GTF2H5: variants seen among roughly 807,000 people sequenced by gnomAD.
The protein encoded by GTF2H5 is TFB5 ortholog.
Under a neutral mutation model 7.1 loss-of-function variants are expected in GTF2H5, and 5 were observed. The ratio of observed to expected loss-of-function variants is 0.71; its 90% CI spans 0.37 to 1.49. GTF2H5 has a LOEUF of 1.49. Ranked by LOEUF, GTF2H5 falls within the 40% of genes most tolerant of loss-of-function variation. The probability of loss-of-function intolerance (pLI) is 0.03; values close to 1 mark genes in which losing one functional copy is unlikely to be tolerated. For missense variants in GTF2H5, 80 were observed against 83.0 expected, an observed-to-expected ratio of 0.96 and a Z score of 0.14; for synonymous variants, 30 against 31.7, an observed-to-expected ratio of 0.95 and a Z score of 0.18.
chr6:158,197,071 C>A lies in GTF2H5; in HGVS notation c.*4914C>A, dbSNP rs924156609. On this transcript the variant is annotated 3_prime_UTR_variant, in exon 3 of 3. Coordinates refer to ENST00000607778, the MANE Select transcript of GTF2H5 (RefSeq NM_207118.3). ...AATGTCAAACAAGTGAGATCAAGAT[C>A]CTGAAGCATTTCTTCAAAGAATTGT... The A allele has an allele frequency of 2.0e-5, 3 of 152,274 alleles. No homozygotes were observed. Among genetic ancestry groups the A allele is most frequent in the African/African-American group, 7.2e-5 (3 of 41,442 alleles). 9.4% of individuals were successfully genotyped at this position (152,274 alleles called of 1,614,324 possible).
chr6:158,194,788 A>G lies in GTF2H5; in HGVS notation c.*2631A>G, dbSNP rs1174500988. 6.6e-6 allele frequency: 1 copy of G among 152,236 alleles called. No individual in the cohort carries two copies. The highest frequency in any genetic ancestry group is 1.5e-5 in the Non-Finnish European group (1 of 68,036). 9.4% of individuals were successfully genotyped at this position (152,236 alleles called of 1,614,324 possible). A position where few individuals can be genotyped will look rare whatever the true frequency, so the allele number is the denominator to read the frequency against. ...GGAAACAAGGCTAGGTGATTAAGGG[A>G]GAAAGGGACAGTCTGAAAACAAGGT... On this transcript the variant is annotated 3_prime_UTR_variant, in exon 3 of 3. Transcript: ENST00000607778.
At chr6:158,169,590 A>ACAG (rs1562468719) in intron 1 of GTF2H5, among the ~76,000 whole-genome samples, 2 of 87,984 alleles carry the variant, frequency 2.3e-5, no homozygotes, top group African/African-American at 9.8e-5. Context: ...TATATAATAT[A>ACAG]TTGTATATTA....
At chr6:158,187,072 A>G (rs1015013586) in intron 2 of GTF2H5, among the ~76,000 whole-genome samples, 1 of 149,142 alleles carries the variant, frequency 6.7e-6, no homozygotes, top group South Asian at 2.1e-4. Flanking sequence ...TCGGCCCACT[A>G]CACCCCTCAC....
chr6:158,169,429 A>G (rs867123116), intron 1 of GTF2H5, among the ~76,000 whole-genome samples: 57 of 62,086 alleles, frequency 9.2e-4, no homozygotes, highest in African/African-American at 4.1e-3. Context: ...TATATAATAT[A>G]TTGTATATTA....
At chr6:158,191,085 C>T in intron 2 of GTF2H5, 1 of 345,144 alleles carries the variant, frequency 2.9e-6, no homozygotes, top group Non-Finnish European at 5.6e-6. Flanking sequence ...CCTTTAATTT[C>T]CGTAAACAAT....
Position 158,193,567 on chromosome 6 carries a change from A to C in GTF2H5, c.*1410A>C, listed in dbSNP as rs916801259. On this transcript the variant is annotated 3_prime_UTR_variant, in exon 3 of 3. Transcript: ENST00000607778. ...AGCATTACTGAATCTGGAAATTTTC[A>C]GTTAGGTATATTTTACATAATTCCC... The C allele has an allele frequency of 3.3e-5, 5 of 152,252 alleles. No individual in the cohort carries two copies. The highest frequency in any genetic ancestry group is 1.2e-4 in the African/African-American group (5 of 41,452). The allele number at this position is 152,252 out of a possible 1,614,324, so 9.4% of individuals were successfully genotyped here. A position where few individuals can be genotyped will look rare whatever the true frequency, so the allele number is the denominator to read the frequency against.
chr6:158,175,010 A>ATGTGTGTGTGTG (rs200557393), intron 2 of GTF2H5, among the ~76,000 whole-genome samples: 85 of 138,296 alleles, frequency 6.1e-4, no homozygotes, highest in Admixed American at 1.8e-3. Context: ...TGTGCCTGAG[A>ATGTGTGTGTGTG]TGTGTGTGTG....
chr6:158,169,199 G>A (rs936070855), intron 1 of GTF2H5, among the ~76,000 whole-genome samples: 9 of 145,074 alleles, frequency 6.2e-5, no homozygotes, highest in Non-Finnish European at 7.5e-5. Flanking sequence ...ACGACACTGC[G>A]CTCCAGCCTG....
intron 2 of GTF2H5, among the ~76,000 whole-genome samples, chr6:158,173,363 A>G (rs147922552): frequency 6.6e-6 from 1 of 152,198 alleles, no homozygotes; most frequent in Non-Finnish European, 1.5e-5. Context: ...AAGAAATAAC[A>G]TAGATTCCCA....
intron 2 of GTF2H5, among the ~76,000 whole-genome samples, chr6:158,171,942 T>G (rs1785862030): frequency 6.6e-6 from 1 of 152,218 alleles, no homozygotes; most frequent in Non-Finnish European, 1.5e-5. Context: ...CTAGGTTTGA[T>G]GTACTTATTT....
At chr6:158,173,325 A>G (rs1290176033) in intron 2 of GTF2H5, among the ~76,000 whole-genome samples, 1 of 152,202 alleles carries the variant, frequency 6.6e-6, no homozygotes, top group Non-Finnish European at 1.5e-5. Context: ...TCCCAAAAAC[A>G]CAAGTCTTCC....
chr6:158,169,393 A>AT (rs1279120969), intron 1 of GTF2H5, among the ~76,000 whole-genome samples: 15 of 92,122 alleles, frequency 1.6e-4, no homozygotes, highest in African/African-American at 6.4e-4. Flanking sequence ...TATTATATAT[A>AT]ATATTATATT....
intron 2 of GTF2H5, among the ~76,000 whole-genome samples, chr6:158,177,019 C>G (rs112712701): frequency 0.061 from 9,219 of 152,240 alleles, 943 homozygotes; most frequent in African/African-American, 0.21. Context: ...AAACCCACAG[C>G]CTTCCAGCGT....
At chr6:158,184,804 G>T (rs1280635838) in intron 2 of GTF2H5, among the ~76,000 whole-genome samples, 3 of 152,190 alleles carry the variant, frequency 2.0e-5, no homozygotes, top group Non-Finnish European at 4.4e-5. Context: ...AGTGCTGACA[G>T]CTTTGACCAG....
In GTF2H5 at chr6:158,195,266, G is replaced by C. The variant is rs969954304; in HGVS notation, c.*3109G>C. Reference sequence around the variant, plus strand: ...GCTAAGAAGGTGCCACTGCACTGCAGCCTGGATGACAGAGTGAAACTTTGT... The same window carrying C: ...GCTAAGAAGGTGCCACTGCACTGCACCCTGGATGACAGAGTGAAACTTTGT... On this transcript the variant is annotated 3_prime_UTR_variant, in exon 3 of 3. Coordinates refer to ENST00000607778, the MANE Select transcript of GTF2H5 (RefSeq NM_207118.3). The C allele has an allele frequency of 2.0e-5, 3 of 152,092 alleles. No homozygotes were observed. The highest frequency in any genetic ancestry group is 6.5e-5 in the Admixed American group (1 of 15,268). 9.4% of individuals were successfully genotyped at this position (152,092 alleles called of 1,614,324 possible).
intron 2 of GTF2H5, chr6:158,190,583 A>G (rs1777009863): frequency 2.4e-6 from 1 of 415,200 alleles, no homozygotes; most frequent in African/African-American, 2.1e-5. Flanking sequence ...TAAAACCCAA[A>G]GTCCCCCAAA....
rs113760007 is a variant in GTF2H5 at position 158,195,454 on chromosome 6, C to T, written c.*3297C>T. On this transcript the variant is annotated 3_prime_UTR_variant, in exon 3 of 3. Transcript: ENST00000607778. ...TGATTAATTTAAAATTCCAGGGATCCTATCTAACATCACAGTTGATGGATA... is the reference window on the plus strand; with the variant it reads ...TGATTAATTTAAAATTCCAGGGATCTTATCTAACATCACAGTTGATGGATA... 4.6e-5 allele frequency: 7 copies of T among 152,248 alleles called. 1 individual carries two copies. The highest frequency in any genetic ancestry group is 1.4e-4 in the African/African-American group (6 of 41,524). 9.4% of individuals were successfully genotyped at this position (152,248 alleles called of 1,614,324 possible).
rs1562468610 is a variant in GTF2H5 at position 158,169,559 on chromosome 6, T to TATAATATACTGTATATTAC, written c.-34-908_-34-907insATATACTGTATATTACATA. On this transcript the variant is annotated intron_variant, in intron 1 of 2. Transcript: ENST00000607778. ...ATTATATATAATATACTGTATATTATATATAATATATTGTATATTATATAT... is the reference window on the plus strand; with the variant it reads ...ATTATATATAATATACTGTATATTATATAATATACTGTATATTACATATAATATATTGTATATTATATAT... Among the ~76,000 whole-genome samples, 29 of 67,886 alleles carry TATAATATACTGTATATTAC rather than the reference T, an allele frequency of 4.3e-4. 3 individuals carry two copies. The highest frequency in any genetic ancestry group is 2.0e-3 in the African/African-American group (29 of 14,614). 44.5% of individuals were successfully genotyped at this position (67,886 alleles called of 152,430 possible).
intron 2 of GTF2H5, among the ~76,000 whole-genome samples, chr6:158,172,285 CAT>C (rs775527720): frequency 1.7e-4 from 26 of 150,444 alleles, no homozygotes; most frequent in Non-Finnish European, 3.0e-4. Context: ...AGAGAAGAGA[CAT>C]ATTATTAGAT....
Sources: allele counts gnomAD v4.1 joint callset (sites outside exome capture counted in the v4.1 genomes callset), GRCh38; gene constraint gnomAD v4.1.1; transcripts MANE v1.5; gene names NCBI Gene and HGNC (gene_info 2026-07-23, HGNC 2026-07-21).